The following APBB2 variants were observed in gnomAD, a reference collection of about 807,000 sequenced individuals.
APBB2 encodes amyloid beta precursor protein binding family B member 2, also known as Fe65-like 1.
APBB2 carries 38 observed loss-of-function variants against 82.5 expected under a neutral mutation model. The ratio of observed to expected loss-of-function variants is 0.46; its 90% CI spans 0.36 to 0.60. The LOEUF (loss-of-function observed/expected upper bound fraction) is 0.60, where lower values mean the gene tolerates loss of function less well. APBB2 is among the 20% of genes least tolerant of loss of function. The probability of loss-of-function intolerance (pLI) is 0.00; values close to 1 mark genes in which losing one functional copy is unlikely to be tolerated. For synonymous variants in APBB2, 341 were observed against 368.2 expected, an observed-to-expected ratio of 0.93 and a Z score of 0.85; for missense variants, 772 against 972.3, an observed-to-expected ratio of 0.79 and a Z score of 2.74.
intron 4 of APBB2, among the ~76,000 whole-genome samples, chr4:41,061,863 C>T (rs1283151825): frequency 6.6e-6 from 1 of 152,240 alleles, no homozygotes; most frequent in Non-Finnish European, 1.5e-5. Flanking sequence ...ATACAAGCCT[C>T]AAAAACAATG....
intron 5 of APBB2, among the ~76,000 whole-genome samples, chr4:41,017,814 T>G (rs1810434588): frequency 6.6e-6 from 1 of 152,154 alleles, no homozygotes; most frequent in Non-Finnish European, 1.5e-5. Context: ...ACAAAGAAGT[T>G]GGGTCTATGA....
At chr4:40,957,069 G>A (rs1203058568) in intron 6 of APBB2, among the ~76,000 whole-genome samples, 2 of 152,168 alleles carry the variant, frequency 1.3e-5, no homozygotes, top group African/African-American at 2.4e-5. Context: ...TGACCCATCT[G>A]CTCTTTGTAA....
intron 12 of APBB2, among the ~76,000 whole-genome samples, chr4:40,878,528 C>A (rs534864706): frequency 6.6e-6 from 1 of 152,146 alleles, no homozygotes; most frequent in South Asian, 2.1e-4. Flanking sequence ...CCCTGCCATG[C>A]CCCCTGTCCG....
At chr4:40,863,603 G>C (rs895215309) in intron 12 of APBB2, among the ~76,000 whole-genome samples, 1 of 152,210 alleles carries the variant, frequency 6.6e-6, no homozygotes, top group Non-Finnish European at 1.5e-5. Context: ...GACAATGAAA[G>C]CCAGGGAGGC....
chr4:41,099,212 GCA>G (rs1249983418), intron 3 of APBB2, among the ~76,000 whole-genome samples: 1 of 152,082 alleles, frequency 6.6e-6, no homozygotes, highest in East Asian at 1.9e-4. Flanking sequence ...TTTGTGTGTT[GCA>G]CACACACGTA....
At chr4:40,948,941 G>T (rs11727232) in intron 6 of APBB2, among the ~76,000 whole-genome samples, 12,299 of 147,932 alleles carry the variant, frequency 0.083, 562 homozygotes, top group Middle Eastern at 0.13. Context: ...AAGTACTTTG[G>T]ACTTTATTAA....
At chr4:41,041,097 G>A (rs1227537070) in intron 4 of APBB2, among the ~76,000 whole-genome samples, 1 of 152,078 alleles carries the variant, frequency 6.6e-6, no homozygotes, top group Non-Finnish European at 1.5e-5. Context: ...AGCCAGGATG[G>A]TCTCGATCTC....
chr4:40,928,088 G>A (rs1560301104), intron 10 of APBB2, among the ~76,000 whole-genome samples: 1 of 152,218 alleles, frequency 6.6e-6, no homozygotes, highest in Non-Finnish European at 1.5e-5. Context: ...CGCCTAAAAC[G>A]TGCCAAGGAG....
Position 41,001,357 on chromosome 4 carries a change from G to A in APBB2, c.835+12226C>T, listed in dbSNP as rs6846423. ...CATGTATATGAGAAAACATGTTCTG[G>A]TAATAAACAACACAACAAAACCAGC... On this transcript the variant is annotated intron_variant, in intron 6 of 17. Transcript: ENST00000508593. Among the ~76,000 whole-genome samples, 913 of 152,210 alleles carry A rather than the reference G, an allele frequency of 6.0e-3. 10 individuals carry two copies. Among genetic ancestry groups the A allele is most frequent in the African/African-American group, 0.02 (837 of 41,506 alleles).
At chr4:41,074,758 C>T (rs560221588) in intron 3 of APBB2, among the ~76,000 whole-genome samples, 20 of 151,966 alleles carry the variant, frequency 1.3e-4, no homozygotes, top group South Asian at 1.3e-3. Context: ...TACAGGCATC[C>T]GCCACCAGTC....
At chr4:40,883,863 G>A (rs757371476) in intron 12 of APBB2, among the ~76,000 whole-genome samples, 13 of 152,228 alleles carry the variant, frequency 8.5e-5, no homozygotes, top group South Asian at 2.1e-4. Flanking sequence ...TGGGTCCCCC[G>A]TTCTTTTTCT....
chr4:41,094,729 T>C (rs1353249863), intron 3 of APBB2, among the ~76,000 whole-genome samples: 1 of 152,162 alleles, frequency 6.6e-6, no homozygotes, highest in African/African-American at 2.4e-5. Flanking sequence ...CTCGCCCAGC[T>C]AATTTTTGTA....
intron 10 of APBB2, among the ~76,000 whole-genome samples, chr4:40,921,940 T>C (rs965152119): frequency 1.6e-4 from 24 of 152,180 alleles, no homozygotes; most frequent in Non-Finnish European, 3.1e-4. Flanking sequence ...GAGCAGCGTG[T>C]CTGCCGAGAG....
intron 4 of APBB2, among the ~76,000 whole-genome samples, chr4:41,035,202 T>C (rs1267620331): frequency 6.6e-6 from 1 of 152,234 alleles, no homozygotes; most frequent in African/African-American, 2.4e-5. Context: ...GAAAAACCTT[T>C]ATATTTGCAA....
chr4:41,021,988 A>G, intron 5 of APBB2, among the ~76,000 whole-genome samples: 1 of 152,146 alleles, frequency 6.6e-6, no homozygotes, highest in Non-Finnish European at 1.5e-5. Flanking sequence ...TGGAAGAAAG[A>G]AACTCTGGAC....
chr4:41,028,528 A>G (rs1715406794), intron 5 of APBB2, among the ~76,000 whole-genome samples: 1 of 152,362 alleles, frequency 6.6e-6, no homozygotes, highest in South Asian at 2.1e-4. Context: ...GACTGTACCA[A>G]AGAAAGCGAA....
intron 10 of APBB2, among the ~76,000 whole-genome samples, chr4:40,928,540 T>C (rs1157025832): frequency 6.6e-6 from 1 of 150,746 alleles, no homozygotes; most frequent in Non-Finnish European, 1.5e-5. Context: ...ATTGCACCAC[T>C]GCACTCCAGC....
chr4:40,904,023 A>G (rs1234840812), intron 10 of APBB2, among the ~76,000 whole-genome samples: 2 of 152,172 alleles, frequency 1.3e-5, no homozygotes, highest in African/African-American at 4.8e-5. Context: ...ATATTTCCCT[A>G]AGAGTTAAGT....
At chr4:41,101,425 C>T (rs1243731618) in intron 2 of APBB2, among the ~76,000 whole-genome samples, 15 of 138,694 alleles carry the variant, frequency 1.1e-4, no homozygotes, top group Admixed American at 2.3e-4. Context: ...GATTGCGCCA[C>T]TGCAGTCCGC....
Sources: allele counts gnomAD v4.1 joint callset (sites outside exome capture counted in the v4.1 genomes callset), GRCh38; gene constraint gnomAD v4.1.1; transcripts MANE v1.5; gene names NCBI Gene and HGNC (gene_info 2026-07-23, HGNC 2026-07-21).